DISC1: variants seen among roughly 807,000 people sequenced by gnomAD.
DISC1 encodes disrupted in schizophrenia 1 protein.
Under a neutral mutation model 84.5 loss-of-function variants are expected in DISC1, and 57 were observed. That is an observed-to-expected ratio of 0.67 (90% confidence interval 0.55 to 0.84). The LOEUF (loss-of-function observed/expected upper bound fraction) is 0.84. Ranked by LOEUF, DISC1 falls within the 40% of genes least tolerant of loss-of-function variation. The pLI, the probability that DISC1 is intolerant of heterozygous loss-of-function variation, is 0.00. For synonymous variants in DISC1, 411 were observed against 415.2 expected (o/e 0.99, Z 0.12); for missense variants, 1,000 against 1,057.8 (o/e 0.95, Z 0.76).
At chr1:231,956,608 A>G (rs1659549827) in intron 9 of DISC1, among the ~76,000 whole-genome samples, 1 of 152,106 alleles carries the variant, frequency 6.6e-6, no homozygotes, top group African/African-American at 2.4e-5. Context: ...GTGGCTTTCT[A>G]GTTACTACAG....
intron 10 of DISC1, among the ~76,000 whole-genome samples, chr1:231,961,212 A>G (rs1660335120): frequency 6.6e-6 from 1 of 152,192 alleles, no homozygotes. Flanking sequence ...GTGACCTACC[A>G]CAAATAGACT....
chr1:231,689,874 G>A (rs139627873), intron 1 of DISC1, among the ~76,000 whole-genome samples: 311 of 152,280 alleles, frequency 2.0e-3, no homozygotes, highest in African/African-American at 6.9e-3. Flanking sequence ...ATGAGTGATG[G>A]AGGGAATGAG....
intron 8 of DISC1, among the ~76,000 whole-genome samples, chr1:231,808,706 G>T (rs1479169900): frequency 2.6e-5 from 4 of 152,226 alleles, no homozygotes; most frequent in Non-Finnish European, 5.9e-5. Context: ...TGGGAAACTT[G>T]TTTATATGTC....
At chr1:231,825,760 TC>T (rs2081819497) in intron 9 of DISC1, among the ~76,000 whole-genome samples, 2 of 152,306 alleles carry the variant, frequency 1.3e-5, no homozygotes, top group Admixed American at 1.3e-4. Context: ...TTAGTATCAT[TC>T]CTATGATTTG....
At chr1:231,892,773 GATAA>G (rs759899547) in intron 9 of DISC1, among the ~76,000 whole-genome samples, 25 of 151,990 alleles carry the variant, frequency 1.6e-4, no homozygotes, top group East Asian at 5.8e-4. Context: ...AGCCTTAATG[GATAA>G]ATAAATAAAT....
intron 5 of DISC1, among the ~76,000 whole-genome samples, chr1:231,769,552 A>G (rs2076403097): frequency 6.6e-6 from 1 of 152,246 alleles, no homozygotes. Context: ...TGAGTTACCT[A>G]GAGGAGTCAA....
chr1:231,761,894 C>G (rs577471674), intron 4 of DISC1, among the ~76,000 whole-genome samples: 2 of 151,836 alleles, frequency 1.3e-5, no homozygotes, highest in African/African-American at 4.8e-5. Flanking sequence ...ATGAGATGAG[C>G]TCAGTCCCTT....
At chr1:231,742,567 G>T (rs1031840536) in intron 3 of DISC1, among the ~76,000 whole-genome samples, 4 of 152,058 alleles carry the variant, frequency 2.6e-5, no homozygotes, top group East Asian at 1.9e-4. Flanking sequence ...GAGGCCAGGA[G>T]TTTGTGATCA....
intron 10 of DISC1, among the ~76,000 whole-genome samples, chr1:231,968,610 GCAAAAA>G (rs1193655358): frequency 7.5e-6 from 1 of 132,702 alleles, no homozygotes; most frequent in African/African-American, 2.9e-5. Flanking sequence ...AAAAAAAAAA[GCAAAAA>G]CAAAAACAAA....
chr1:231,794,001 C>G (rs1573869697), intron 6 of DISC1, among the ~76,000 whole-genome samples: 1 of 152,134 alleles, frequency 6.6e-6, no homozygotes, highest in Non-Finnish European at 1.5e-5. Flanking sequence ...CCACGCTGCT[C>G]GCGAACTCCT....
intron 10 of DISC1, among the ~76,000 whole-genome samples, chr1:231,970,191 G>C (rs914770198): frequency 6.6e-6 from 1 of 152,146 alleles, no homozygotes; most frequent in Non-Finnish European, 1.5e-5. Flanking sequence ...TTCCACAATG[G>C]TTGAACTAGT....
chr1:231,828,997 C>T (rs1440025118), intron 9 of DISC1, among the ~76,000 whole-genome samples: 1 of 152,118 alleles, frequency 6.6e-6, no homozygotes, highest in East Asian at 1.9e-4. Flanking sequence ...ACTTCTGTGT[C>T]CCTGGTTGCA....
At chr1:231,914,099 A>G (rs1026154607) in intron 9 of DISC1, among the ~76,000 whole-genome samples, 1 of 152,154 alleles carries the variant, frequency 6.6e-6, no homozygotes, top group Non-Finnish European at 1.5e-5. Flanking sequence ...GGGTCCTTTG[A>G]TCTTTCCACT....
rs1311380344 is a variant in DISC1 at position 231,628,678 on chromosome 1, G to A, written c.67+1744G>A. Among the ~76,000 whole-genome samples, 4 of 152,282 alleles carry A rather than the reference G, an allele frequency of 2.6e-5. No individual in the cohort carries two copies. The East Asian group carries it at 7.7e-4, about 29-fold the overall frequency. On this transcript the variant is annotated intron_variant, in intron 1 of 12. Coordinates refer to ENST00000439617, the MANE Select transcript of DISC1 (RefSeq NM_018662.3). Reference sequence around the variant, plus strand: ...GCCACTCACAACTGTGTTCTTGGCCGCTTGCCAAACTGAACTTATAGAGTG... The same window carrying A: ...GCCACTCACAACTGTGTTCTTGGCCACTTGCCAAACTGAACTTATAGAGTG...
rs115350370 is a variant in DISC1 at position 232,005,042 on chromosome 1, A to G, written c.2043-3743A>G. On this transcript the variant is annotated intron_variant, in intron 10 of 12. Transcript: ENST00000439617. ...TCTCCCTCCCTCACTCCCTCCCTCCATCCTTCCTTCCTTCCTTCCCTCTCT... is the reference window on the plus strand; with the variant it reads ...TCTCCCTCCCTCACTCCCTCCCTCCGTCCTTCCTTCCTTCCTTCCCTCTCT... Among the ~76,000 whole-genome samples the G allele has an allele frequency of 3.3e-3, 168 of 51,408 alleles. 4 individuals carry two copies. Among genetic ancestry groups the G allele is most frequent in the African/African-American group, 0.012 (146 of 12,458 alleles). The allele number at this position is 51,408 out of a possible 152,430, so 33.7% of individuals were successfully genotyped here.
At chr1:231,708,043 T>C (rs911152207) in intron 3 of DISC1, among the ~76,000 whole-genome samples, 2 of 152,248 alleles carry the variant, frequency 1.3e-5, no homozygotes, top group Middle Eastern at 3.4e-3. Flanking sequence ...ATTTGGAAAT[T>C]AGGTATGGTT....
At chr1:231,999,732 C>G (rs1666412404) in intron 10 of DISC1, among the ~76,000 whole-genome samples, 1 of 152,114 alleles carries the variant, frequency 6.6e-6, no homozygotes, top group African/African-American at 2.4e-5. Context: ...TGGGGGGAGG[C>G]CCCTTCTGCC....
At chr1:231,673,710 T>C (rs1193035594) in intron 1 of DISC1, among the ~76,000 whole-genome samples, 1 of 152,220 alleles carries the variant, frequency 6.6e-6, no homozygotes, top group African/African-American at 2.4e-5. Context: ...ATGAAGATCT[T>C]TGTACCTAAT....
At chr1:231,958,018 T>C (rs1430086053) in intron 9 of DISC1, among the ~76,000 whole-genome samples, 4 of 152,184 alleles carry the variant, frequency 2.6e-5, no homozygotes, top group Admixed American at 2.0e-4. Context: ...ACAATAATAA[T>C]ACTAGTAATA....
Sources: gnomAD v4.1 joint callset for allele counts (sites outside exome capture counted in the v4.1 genomes callset) on GRCh38, gnomAD v4.1.1 for gene constraint, MANE v1.5 for transcripts, NCBI Gene and HGNC (gene_info 2026-07-23, HGNC 2026-07-21) for gene names.